The following ATP11C variants were observed in gnomAD, a reference collection of about 807,000 sequenced individuals.
The protein encoded by ATP11C is phospholipid-transporting ATPase IG.
ATP11C carries 36 observed loss-of-function variants against 97.4 expected under a neutral mutation model. The observed-to-expected ratio is 0.37, with a 90% CI of 0.28 to 0.49. The LOEUF is 0.49. Ranked by LOEUF, ATP11C falls within the 20% of genes least tolerant of loss-of-function variation. The pLI is 0.98. For missense variants in ATP11C, 730 were observed against 824.6 expected (o/e 0.89, Z 1.40); for synonymous variants, 275 against 290.9 (o/e 0.95, Z 0.56).
chrX:139,816,806 T>G, intron 4 of ATP11C, 57 bp downstream of exon 4: 11 of 824,156 alleles, frequency 1.3e-5, no homozygotes, highest in Non-Finnish European at 2.0e-5. Context: ...CCTTTGACAA[T>G]GAAATTCCAA....
chrX:139,887,219 A>T (rs1304165807), intron 1 of ATP11C, among the ~76,000 whole-genome samples: 2 of 112,486 alleles, frequency 1.8e-5, no homozygotes, highest in Non-Finnish European at 3.7e-5. Flanking sequence ...AATTCATCAT[A>T]GACTGAAATG....
At chrX:139,871,034 AC>A (rs1456387020) in intron 1 of ATP11C, among the ~76,000 whole-genome samples, 1 of 85,972 alleles carries the variant, frequency 1.2e-5, no homozygotes, top group Non-Finnish European at 2.2e-5. Flanking sequence ...CCGCAGTCCG[AC>A]CTGGGCGACA....
intron 1 of ATP11C, among the ~76,000 whole-genome samples, chrX:139,877,561 A>G (rs942102815): frequency 9.0e-6 from 1 of 111,576 alleles, no homozygotes; most frequent in Admixed American, 9.6e-5. Context: ...CCTTGCACAG[A>G]AGCAATTTAG....
chrX:139,902,756 T>C (rs1231875417), intron 1 of ATP11C, among the ~76,000 whole-genome samples: 1 of 111,411 alleles, frequency 9.0e-6, no homozygotes, highest in Non-Finnish European at 1.9e-5. Context: ...CCTGTCTGAG[T>C]AGACTGAGGA....
chrX:139,759,453 G>T (rs1484241384), intron 22 of ATP11C, among the ~76,000 whole-genome samples: 1 of 111,963 alleles, frequency 8.9e-6, no homozygotes, highest in Non-Finnish European at 1.9e-5. Context: ...ACTGTGGGGT[G>T]CATTAAAAGC....
chrX:139,934,542 CTAGCTTTA>C (rs1438403601), upstream of ATP11C, among the ~76,000 whole-genome samples: 1 of 104,455 alleles, frequency 9.6e-6, no homozygotes, highest in African/African-American at 3.5e-5. Flanking sequence ...TTCTAGCTTT[CTAGCTTTA>C]CCTTTTTTTT....
chrX:139,895,182 G>T (rs780903050), intron 1 of ATP11C, among the ~76,000 whole-genome samples: 1 of 112,634 alleles, frequency 8.9e-6, no homozygotes, highest in African/African-American at 3.2e-5. Flanking sequence ...TTGGCATTTC[G>T]CTCAAATTCA....
chrX:139,862,846 G>A (rs1195246937), intron 1 of ATP11C, among the ~76,000 whole-genome samples: 1 of 111,919 alleles, frequency 8.9e-6, no homozygotes, highest in African/African-American at 3.3e-5. Flanking sequence ...CAGAGTAGCA[G>A]TATCACACTG....
chrX:139,808,458 T>C (rs1373044256), intron 5 of ATP11C, among the ~76,000 whole-genome samples: 2 of 109,638 alleles, frequency 1.8e-5, no homozygotes, highest in African/African-American at 6.7e-5. Context: ...AAACTGAAAA[T>C]AGAAAGAAAA....
At chrX:139,786,389 C>T (rs1007762586) in intron 15 of ATP11C, among the ~76,000 whole-genome samples, 1 of 111,130 alleles carries the variant, frequency 9.0e-6, no homozygotes, top group Non-Finnish European at 1.9e-5. Context: ...CAGATGTGGG[C>T]ACTGTTGCAG....
At chrX:139,852,462 GGGGGGGGGGGGGGGGGGGGA>G (rs1187640470) in intron 1 of ATP11C, among the ~76,000 whole-genome samples, 2 of 10,103 alleles carry the variant, frequency 2.0e-4, no homozygotes, top group African/African-American at 6.2e-4. Flanking sequence ...CGGGGGGGGG[GGGGGGGGGGGGGGGGGGGGA>G]ACTGGCCAGC....
chrX:139,931,365 G>A (rs1243040714), intron 1 of ATP11C, among the ~76,000 whole-genome samples: 2 of 112,222 alleles, frequency 1.8e-5, no homozygotes, highest in Non-Finnish European at 3.8e-5. Context: ...ACCAGAGATC[G>A]GCAGCACGGG....
chrX:139,850,315 T>A (rs949986405), intron 1 of ATP11C, among the ~76,000 whole-genome samples: 3 of 111,283 alleles, frequency 2.7e-5, no homozygotes, highest in Non-Finnish European at 5.6e-5. Flanking sequence ...TAAGGGGTCA[T>A]GATCAGAATG....
chrX:139,853,749 T>C (rs2084041944), intron 1 of ATP11C, among the ~76,000 whole-genome samples: 1 of 105,384 alleles, frequency 9.5e-6, no homozygotes, highest in Non-Finnish European at 1.9e-5. Context: ...AGCAATGGCT[T>C]TGCTAACAGA....
chrX:139,753,942 A>G (rs769909478), intron 23 of ATP11C, among the ~76,000 whole-genome samples: 1 of 111,686 alleles, frequency 9.0e-6, no homozygotes, highest in South Asian at 3.7e-4. Flanking sequence ...AACCAACCCC[A>G]AAGCTAGAAG....
intron 1 of ATP11C, among the ~76,000 whole-genome samples, chrX:139,878,072 T>C (rs946277023): frequency 1.1e-4 from 12 of 111,837 alleles, no homozygotes; most frequent in Admixed American, 1.9e-4. Context: ...AAAAATGGGT[T>C]TTACATTTAT....
chrX:139,783,219 C>G lies in ATP11C; in HGVS notation c.1715G>C (p.Arg572Thr). ...CKGADSAVFP[R>T]VQNHEIELTK... is the part of the protein sequence containing the mutation. The stretch of plus-strand genomic sequence containing the variant: ...TAACTCAATTTCATGATTTTGCACT[C>G]TGGGAAAAACTGCCGAGTCTGCTCC... Residue 572 changes from arginine (R) to threonine (T), a missense_variant, in exon 17 of 30, where the codon AGA becomes ACA. Transcript: ENST00000682941. 8.3e-7 allele frequency: 1 copy of G among 1,207,597 alleles called. No individual in the cohort carries two copies. The highest frequency in any genetic ancestry group is 1.1e-6 in the Non-Finnish European group (1 of 892,661).
At chrX:139,899,493 G>A (rs2084863122) in intron 1 of ATP11C, among the ~76,000 whole-genome samples, 1 of 108,466 alleles carries the variant, frequency 9.2e-6, no homozygotes, top group South Asian at 4.0e-4. Context: ...AAAAAAAAAT[G>A]TAATGTGGCA....
intron 18 of ATP11C, among the ~76,000 whole-genome samples, chrX:139,781,078 C>T (rs927665655): frequency 9.0e-6 from 1 of 110,751 alleles, no homozygotes; most frequent in African/African-American, 3.3e-5. Context: ...ATGTATAACC[C>T]CGACCCACCC....
Sources: gnomAD v4.1 joint callset for allele counts (sites outside exome capture counted in the v4.1 genomes callset) on GRCh38, gnomAD v4.1.1 for gene constraint, MANE v1.5 for transcripts, NCBI Gene and HGNC (gene_info 2026-07-23, HGNC 2026-07-21) for gene names.